GLIS3: variants seen among roughly 807,000 people sequenced by gnomAD.
The protein encoded by GLIS3 is GLIS family zinc finger 3, also known as zinc finger protein GLIS3.
GLIS3 carries 53 observed loss-of-function variants against 78.6 expected under a neutral mutation model. That is an observed-to-expected ratio of 0.67 (90% CI 0.54 to 0.85). GLIS3 has a LOEUF of 0.85. GLIS3 is among the 40% of genes least tolerant of loss of function. The pLI, the probability that GLIS3 is intolerant of heterozygous loss-of-function variation, is 0.00. For missense variants in GLIS3, 1,703 were observed against 1,231.1 expected (o/e 1.38, Z -5.74); for synonymous variants, 684 against 509.9 (o/e 1.34, Z -4.60).
chr9:4,076,151 A>C (rs889478572), intron 4 of GLIS3, among the ~76,000 whole-genome samples: 2 of 152,234 alleles, frequency 1.3e-5, no homozygotes, highest in African/African-American at 4.8e-5. Context: ...CAACAAGTTG[A>C]TTAAACAATA....
At chr9:3,936,113 A>G (rs1275192438) in intron 5 of GLIS3, among the ~76,000 whole-genome samples, 2 of 152,210 alleles carry the variant, frequency 1.3e-5, no homozygotes, top group South Asian at 2.1e-4. Context: ...AGACATCAGA[A>G]TGTTAACACC....
At chr9:4,269,322 C>A (rs1826294971) in intron 2 of GLIS3, among the ~76,000 whole-genome samples, 1 of 151,724 alleles carries the variant, frequency 6.6e-6, no homozygotes, top group Non-Finnish European at 1.5e-5. Flanking sequence ...AATCATGTGA[C>A]AAGACCTGTC....
the GLIS3 span, among the ~76,000 whole-genome samples, chr9:4,356,728 A>G: frequency 6.6e-6 from 1 of 152,232 alleles, no homozygotes. Flanking sequence ...AGAGCAACAA[A>G]GATCATCAAC....
rs536817777 is a variant in GLIS3, at chr9:4,046,839, A to T, written c.1710+70929T>A. ...GGCAATTCTTCTTCAAATAAATGAA[A>T]ACTGAAGAGAGGCAATACTTCATCT... is the stretch of plus-strand genomic sequence containing the variant. On this transcript the variant is annotated intron_variant, in intron 4 of 10. Coordinates refer to ENST00000381971, the MANE Select transcript of GLIS3 (RefSeq NM_001042413.2). Among the ~76,000 whole-genome samples, 11 of 152,322 alleles carry T rather than the reference A, an allele frequency of 7.2e-5. No individual in the cohort carries two copies. The East Asian group carries it at 2.1e-3, about 29-fold the overall frequency.
intron 8 of GLIS3, among the ~76,000 whole-genome samples, chr9:3,859,317 G>T (rs1820003384): frequency 6.6e-6 from 1 of 151,474 alleles, no homozygotes; most frequent in South Asian, 2.1e-4. Context: ...TTTTCTAAGT[G>T]TCTGCACCTA....
intron 2 of GLIS3, among the ~76,000 whole-genome samples, chr9:4,214,068 T>C (rs1039431807): frequency 1.3e-5 from 2 of 152,168 alleles, no homozygotes; most frequent in African/African-American, 2.4e-5. Context: ...TGACACCTCA[T>C]CTCACTCATA....
At chr9:4,230,432 T>C (rs568901385) in intron 2 of GLIS3, among the ~76,000 whole-genome samples, 2 of 152,160 alleles carry the variant, frequency 1.3e-5, no homozygotes, top group Admixed American at 1.3e-4. Context: ...AGGTAGGGCC[T>C]CCTCCCTTCT....
intron 4 of GLIS3, among the ~76,000 whole-genome samples, chr9:4,076,883 C>T (rs113749972): frequency 2.0e-5 from 3 of 152,052 alleles, no homozygotes; most frequent in African/African-American, 7.2e-5. Context: ...ATGGCAAAAC[C>T]CTGTCTCTAT....
At chr9:4,343,743 A>C (rs1161575017) in intron 2 of GLIS3, among the ~76,000 whole-genome samples, 1 of 152,230 alleles carries the variant, frequency 6.6e-6, no homozygotes, top group Admixed American at 6.5e-5. Flanking sequence ...ATAAAAAAAC[A>C]ATGAGATCTT....
chr9:3,983,887 AT>A lies in GLIS3; in HGVS notation c.1711-46699del, dbSNP rs1242402058. On this transcript the variant is annotated intron_variant, in intron 4 of 10. Transcript: ENST00000381971. ...AAAATGCGATAGAAAAGAAAATCCCATTTTCTAAGGAGAAATTCAAGCTGGC... is the reference window on the plus strand; with the variant it reads ...AAAATGCGATAGAAAAGAAAATCCCATTTCTAAGGAGAAATTCAAGCTGGC... Among the ~76,000 whole-genome samples, 3 of 152,242 alleles carry A rather than the reference AT, an allele frequency of 2.0e-5. No individual in the cohort carries two copies. In the East Asian group the frequency reaches 5.8e-4, roughly 29 times the overall value.
chr9:3,863,892 A>G (rs999903534), intron 8 of GLIS3, among the ~76,000 whole-genome samples: 3 of 152,128 alleles, frequency 2.0e-5, no homozygotes, highest in African/African-American at 7.2e-5. Flanking sequence ...TCCCCTGTGG[A>G]AAGAAAAAGG....
intron 1 of GLIS3, among the ~76,000 whole-genome samples, chr9:4,295,074 T>C (rs1193377042): frequency 6.6e-6 from 1 of 152,244 alleles, no homozygotes; most frequent in Admixed American, 6.5e-5. Flanking sequence ...ATTCCATTCT[T>C]CTGGGTAGGC....
At chr9:4,300,113 A>C (rs1816997717), upstream of GLIS3, among the ~76,000 whole-genome samples, 1 of 114,402 alleles carries the variant, frequency 8.7e-6, no homozygotes, top group Non-Finnish European at 1.7e-5. Flanking sequence ...CCTGAGTGTG[A>C]GCGCCGGAGG....
chr9:4,184,079 T>A (rs1042702916), intron 2 of GLIS3, among the ~76,000 whole-genome samples: 1 of 151,980 alleles, frequency 6.6e-6, no homozygotes, highest in Non-Finnish European at 1.5e-5. Flanking sequence ...TGAAAAAAAA[T>A]TTTAACTTAG....
At chr9:4,169,230 A>C (rs1400146045) in intron 2 of GLIS3, among the ~76,000 whole-genome samples, 1 of 152,206 alleles carries the variant, frequency 6.6e-6, no homozygotes, top group Admixed American at 6.5e-5. Flanking sequence ...AGCATGAGGA[A>C]AGTCATCAAG....
intron 2 of GLIS3, among the ~76,000 whole-genome samples, chr9:4,346,339 G>C (rs1248073776): frequency 6.6e-6 from 1 of 152,086 alleles, no homozygotes; most frequent in Non-Finnish European, 1.5e-5. Context: ...TACATACAAA[G>C]CTTCATTTGA....
At chr9:4,139,532 A>G (rs1833648745) in intron 2 of GLIS3, among the ~76,000 whole-genome samples, 1 of 152,186 alleles carries the variant, frequency 6.6e-6, no homozygotes, top group Non-Finnish European at 1.5e-5. Flanking sequence ...CCCTCTGTCC[A>G]TATTCCCTCC....
intron 2 of GLIS3, among the ~76,000 whole-genome samples, chr9:4,344,127 C>A (rs534877863): frequency 6.6e-6 from 1 of 152,224 alleles, no homozygotes; most frequent in East Asian, 1.9e-4. Flanking sequence ...CCTTAACATA[C>A]CTCCTCTTCC....
chr9:3,863,826 T>C (rs1049965408), intron 8 of GLIS3, among the ~76,000 whole-genome samples: 2 of 151,984 alleles, frequency 1.3e-5, no homozygotes, highest in Non-Finnish European at 2.9e-5. Context: ...GGCAGAGAAG[T>C]GTTATTTTTT....
Sources: allele counts gnomAD v4.1 joint callset (sites outside exome capture counted in the v4.1 genomes callset), GRCh38; gene constraint gnomAD v4.1.1; transcripts MANE v1.5; gene names NCBI Gene and HGNC (gene_info 2026-07-23, HGNC 2026-07-21).